The following DST variants were observed in gnomAD, a reference collection of about 807,000 sequenced individuals.
DST encodes the protein dystonin.
DST carries 253 observed loss-of-function variants against 875.2 expected under a neutral mutation model. That is an observed-to-expected ratio of 0.29 (90% CI 0.26 to 0.32). DST has a LOEUF of 0.32. DST is among the 10% of genes least tolerant of loss of function. DST has a pLI of 1.00. For missense variants in DST, 8,287 were observed against 9,111.6 expected, an observed-to-expected ratio of 0.91 and a Z score of 3.68; for synonymous variants, 3,124 against 3,197.1, an observed-to-expected ratio of 0.98 and a Z score of 0.77.
At chr6:56,558,307 A>C (rs2097463914) in intron 58 of DST, among the ~76,000 whole-genome samples, 1 of 152,142 alleles carries the variant, frequency 6.6e-6, no homozygotes, top group African/African-American at 2.4e-5. Context: ...GTGATAATTT[A>C]ACACAATCCA....
chr6:56,749,233 A>G (rs1188346309), intron 4 of DST, among the ~76,000 whole-genome samples: 1 of 152,180 alleles, frequency 6.6e-6, no homozygotes, highest in Non-Finnish European at 1.5e-5. Context: ...GTGCACCTGC[A>G]GTCCCAGGTA....
At chr6:56,901,975 ACT>A (rs1271720930) in intron 2 of DST, among the ~76,000 whole-genome samples, 1 of 152,198 alleles carries the variant, frequency 6.6e-6, no homozygotes, top group East Asian at 1.9e-4. Flanking sequence ...AAAGTAGTAG[ACT>A]CTCAGCGCTA....
rs781490308 is a variant in DST at position 56,851,607 on chromosome 6, A to G, written c.418-3T>C. 80 of 1,613,120 alleles carry G rather than the reference A, an allele frequency of 5.0e-5. No individual in the cohort carries two copies. The highest frequency in any genetic ancestry group is 8.5e-7 in the Non-Finnish European group (1 of 1,179,508). ...CGATAGGACGCGTTCCCGGAACTCTACAGAGAATGACACAGAAAAAGCATT... is the reference window on the plus strand; with the variant it reads ...CGATAGGACGCGTTCCCGGAACTCTGCAGAGAATGACACAGAAAAAGCATT... On this transcript the variant is annotated splice_polypyrimidine_tract_variant and splice_region_variant and intron_variant, in intron 3 of 103. Coordinates refer to ENST00000680361, the MANE Select transcript of DST (RefSeq NM_001374736.1).
At chr6:56,793,520 A>C (rs971500840) in intron 4 of DST, among the ~76,000 whole-genome samples, 13 of 152,246 alleles carry the variant, frequency 8.5e-5, no homozygotes, top group Non-Finnish European at 1.9e-4. Flanking sequence ...AACTACCCAC[A>C]GAGAATTCTA....
chr6:56,624,705 T>C, intron 35 of DST, 77 bp from the exon 36 acceptor site: 1 of 934,966 alleles, frequency 1.1e-6, no homozygotes, highest in Non-Finnish European at 1.7e-6. Context: ...TGAATAATAA[T>C]TACATTAACT....
chr6:56,501,383 T>A, intron 79 of DST, 137 bp downstream of exon 79: 1 of 1,123,388 alleles, frequency 8.9e-7, no homozygotes, highest in Non-Finnish European at 1.2e-6. Context: ...TTCTATGTTT[T>A]AAGTTTGACG....
At chr6:56,723,303 G>A (rs564230390) in intron 5 of DST, among the ~76,000 whole-genome samples, 3 of 151,874 alleles carry the variant, frequency 2.0e-5, no homozygotes, top group Admixed American at 6.6e-5. Flanking sequence ...GGTGGCTTAC[G>A]CCTGTAATCC....
At chr6:56,616,831 C>G in intron 36 of DST, 1 of 1,614,162 alleles carries the variant, frequency 6.2e-7, no homozygotes, top group Non-Finnish European at 8.5e-7. Flanking sequence ...CAGCTGCCTT[C>G]TCTGCCTCAA....
At chr6:56,602,653 A>T (rs1036840952) in intron 43 of DST, among the ~76,000 whole-genome samples, 4 of 151,974 alleles carry the variant, frequency 2.6e-5, no homozygotes, top group Non-Finnish European at 4.4e-5. Context: ...AAATCTCAAC[A>T]TGTCAGTGGT....
At chr6:56,750,729 G>A (rs1006077979) in intron 4 of DST, among the ~76,000 whole-genome samples, 1 of 152,206 alleles carries the variant, frequency 6.6e-6, no homozygotes, top group Middle Eastern at 3.2e-3. Context: ...AATAGCAACA[G>A]ACACATACTG....
chr6:56,633,593 C>G (rs886698498), intron 27 of DST, among the ~76,000 whole-genome samples: 3 of 151,280 alleles, frequency 2.0e-5, no homozygotes, highest in Admixed American at 1.3e-4. Context: ...CTCTGCCCCC[C>G]AGGTCCAAGC....
At chr6:56,838,242 T>C (rs2099795978) in intron 4 of DST, among the ~76,000 whole-genome samples, 1 of 152,240 alleles carries the variant, frequency 6.6e-6, no homozygotes, top group African/African-American at 2.4e-5. Flanking sequence ...TTATACTCAG[T>C]TGTGGAACTA....
At chr6:56,703,605 A>G in intron 7 of DST, 43 bp downstream of exon 7, 1 of 803,584 alleles carries the variant, frequency 1.2e-6, no homozygotes, top group Non-Finnish European at 1.5e-6. Context: ...CGCTCACCGC[A>G]TGGGAACGGC....
chr6:56,588,884 T>C (rs983967371), intron 49 of DST, among the ~76,000 whole-genome samples: 4 of 152,192 alleles, frequency 2.6e-5, no homozygotes, highest in Admixed American at 2.0e-4. Context: ...CTCATCAGAG[T>C]GGATCTGTTT....
intron 36 of DST, chr6:56,614,793 T>G: frequency 1.1e-5 from 11 of 1,018,488 alleles, no homozygotes; most frequent in Non-Finnish European, 1.3e-5. Flanking sequence ...ATCTTTGAAT[T>G]GCTGCCTTTG....
intron 3 of DST, among the ~76,000 whole-genome samples, chr6:56,875,817 C>A (rs558319943): frequency 4.5e-4 from 68 of 152,224 alleles, no homozygotes; most frequent in Middle Eastern, 3.4e-3. Flanking sequence ...TATACTACCC[C>A]CAAATTCAAG....
At chr6:56,928,424 G>T (rs1808364225) in intron 2 of DST, among the ~76,000 whole-genome samples, 1 of 152,108 alleles carries the variant, frequency 6.6e-6, no homozygotes, top group Non-Finnish European at 1.5e-5. Flanking sequence ...GGTGAAGCTG[G>T]AAGACCAAGA....
chr6:56,601,291 T>C (rs748302896), intron 44 of DST, among the ~76,000 whole-genome samples, 152 bp downstream of exon 44: 2 of 152,028 alleles, frequency 1.3e-5, no homozygotes, highest in East Asian at 1.9e-4. Flanking sequence ...GAAAACAATA[T>C]TGTTATACAC....
intron 29 of DST, 38 bp downstream of exon 29, chr6:56,631,844 GA>G: frequency 6.3e-7 from 1 of 1,595,772 alleles, no homozygotes; most frequent in African/African-American, 1.3e-5. Flanking sequence ...AGGTCATTAA[GA>G]GAGTTAGTTT....
Sources: gnomAD v4.1 joint callset for allele counts (sites outside exome capture counted in the v4.1 genomes callset) on GRCh38, gnomAD v4.1.1 for gene constraint, MANE v1.5 for transcripts, NCBI Gene and HGNC (gene_info 2026-07-23, HGNC 2026-07-21) for gene names.